POU2F3: variants seen among roughly 807,000 people sequenced by gnomAD.
The protein encoded by POU2F3 is POU class 2 homeobox 3, also known as POU domain, class 2, transcription factor 3.
Under a neutral mutation model 59.2 loss-of-function variants are expected in POU2F3, and 23 were observed. The ratio of observed to expected loss-of-function variants is 0.39; its 90% CI spans 0.28 to 0.55. The LOEUF (loss-of-function observed/expected upper bound fraction) is 0.55, where lower values mean the gene tolerates loss of function less well. POU2F3 is among the 20% of genes least tolerant of loss of function. POU2F3 has a pLI of 0.66. For synonymous variants in POU2F3, 190 were observed against 214.6 expected, an observed-to-expected ratio of 0.89 and a Z score of 1.00; for missense variants, 473 against 544.5, an observed-to-expected ratio of 0.87 and a Z score of 1.31.
chr11:120,245,481 G>C (rs567994165), intron 1 of POU2F3, among the ~76,000 whole-genome samples: 9 of 152,228 alleles, frequency 5.9e-5, no homozygotes, highest in East Asian at 5.8e-4. Flanking sequence ...CCCAGAGAAG[G>C]GGGGGTGTGG....
chr11:120,254,372 T>C (rs1207994022), intron 2 of POU2F3, among the ~76,000 whole-genome samples: 1 of 152,112 alleles, frequency 6.6e-6, no homozygotes, highest in Non-Finnish European at 1.5e-5. Flanking sequence ...GGCAGTCTCT[T>C]TTCTGGTCGA....
At chr11:120,246,616 C>A in intron 2 of POU2F3, 99 bp downstream of exon 2, 2 of 1,260,300 alleles carry the variant, frequency 1.6e-6, no homozygotes, top group South Asian at 1.2e-5. Flanking sequence ...GTCTTTCAGC[C>A]AACCAGACCC....
chr11:120,244,136 T>G (rs906648342), intron 1 of POU2F3, among the ~76,000 whole-genome samples: 4 of 152,224 alleles, frequency 2.6e-5, no homozygotes, highest in African/African-American at 9.6e-5. Flanking sequence ...CCAGCGTCAC[T>G]GCCTCTTAAC....
intron 2 of POU2F3, chr11:120,256,066 A>G (rs931292418): frequency 3.9e-5 from 6 of 152,172 alleles, no homozygotes; most frequent in African/African-American, 1.4e-4. Flanking sequence ...AAGGGTCTGA[A>G]TCTGAGGGTC....
chr11:120,263,406 G>A (rs1468900607), intron 2 of POU2F3, among the ~76,000 whole-genome samples: 1 of 152,122 alleles, frequency 6.6e-6, no homozygotes, highest in African/African-American at 2.4e-5. Context: ...ATTTTATCTT[G>A]TTGGTTTGGG....
chr11:120,271,804 C>G (rs571724943), intron 3 of POU2F3, among the ~76,000 whole-genome samples: 4 of 152,302 alleles, frequency 2.6e-5, no homozygotes, highest in Admixed American at 6.5e-5. Flanking sequence ...CTTGGATGAG[C>G]CTTGTGGGGT....
intron 3 of POU2F3, among the ~76,000 whole-genome samples, chr11:120,273,758 G>A (rs962779402): frequency 6.6e-5 from 10 of 152,176 alleles, no homozygotes. Flanking sequence ...GCTCATATCT[G>A]TAATCCCAAC....
intron 3 of POU2F3, among the ~76,000 whole-genome samples, chr11:120,274,904 T>C (rs991862418): frequency 1.3e-5 from 2 of 151,990 alleles, no homozygotes; most frequent in African/African-American, 4.8e-5. Context: ...AAAGGAGAGA[T>C]GTTCATGAAG....
chr11:120,297,414 G>A (rs1941221747), intron 3 of POU2F3, among the ~76,000 whole-genome samples: 1 of 152,206 alleles, frequency 6.6e-6, no homozygotes, highest in African/African-American at 2.4e-5. Flanking sequence ...GGCTGTGAGG[G>A]AGACATGCCT....
chr11:120,246,277 G>A (rs886517435), intron 1 of POU2F3, among the ~76,000 whole-genome samples, 172 bp from the exon 2 acceptor site: 5 of 152,140 alleles, frequency 3.3e-5, no homozygotes, highest in Non-Finnish European at 5.9e-5. Flanking sequence ...GAGGGGATCC[G>A]TGCCCTCAAG....
intron 5 of POU2F3, chr11:120,300,946 G>C: frequency 2.2e-6 from 1 of 447,618 alleles, no homozygotes; most frequent in Non-Finnish European, 4.5e-6. Flanking sequence ...TGATGAATGA[G>C]ACCCTATTTG....
Position 120,317,370 on chromosome 11 carries a change from G to A in POU2F3, c.1271+6G>A. The stretch of plus-strand genomic sequence containing the variant: ...TCCAGTTTTAACTCTTCAGGGTAAG[G>A]TGAAGGGGACGGTGCAGAGACATCC... On this transcript the variant is annotated splice_donor_region_variant and intron_variant, in intron 12 of 12. Transcript: ENST00000543440. The A allele has an allele frequency of 6.2e-7, 1 of 1,614,162 alleles. No individual in the cohort carries two copies. Among genetic ancestry groups the A allele is most frequent in the Non-Finnish European group, 8.5e-7 (1 of 1,180,018 alleles).
At chr11:120,272,335 A>G (rs1940112194) in intron 3 of POU2F3, among the ~76,000 whole-genome samples, 1 of 152,070 alleles carries the variant, frequency 6.6e-6, no homozygotes. Context: ...CATTTTTCCC[A>G]TGAGGCCTTG....
intron 5 of POU2F3, chr11:120,300,987 T>C (rs1262376630): frequency 2.2e-6 from 1 of 453,768 alleles, no homozygotes; most frequent in Admixed American, 2.4e-5. Flanking sequence ...GGTTAAAAAA[T>C]AAACATCATA....
At chr11:120,312,087 G>A (rs61898342) in intron 10 of POU2F3, among the ~76,000 whole-genome samples, 10,685 of 152,214 alleles carry the variant, frequency 0.07, 526 homozygotes, top group Admixed American at 0.12. Flanking sequence ...AGAAGGAACA[G>A]CCTGTGAGAA....
At chr11:120,238,036 T>A (rs1458706458), upstream of POU2F3, among the ~76,000 whole-genome samples, 1 of 151,242 alleles carries the variant, frequency 6.6e-6, no homozygotes, top group Non-Finnish European at 1.5e-5. Context: ...AGGTCAGGAG[T>A]TTGAGACCAG....
At chr11:120,250,932 G>A (rs957969563) in intron 2 of POU2F3, among the ~76,000 whole-genome samples, 17 of 151,688 alleles carry the variant, frequency 1.1e-4, no homozygotes, top group Non-Finnish European at 1.9e-4. Flanking sequence ...AGCCGAGATC[G>A]CGCCACTGCA....
At chr11:120,302,053 G>T in intron 5 of POU2F3, 1 of 498,760 alleles carries the variant, frequency 2.0e-6, no homozygotes, top group East Asian at 3.5e-5. Flanking sequence ...GGACTGGTTT[G>T]GGGACTGCTG....
chr11:120,292,862 T>C (rs963922616), intron 3 of POU2F3, among the ~76,000 whole-genome samples: 3 of 152,230 alleles, frequency 2.0e-5, no homozygotes, highest in African/African-American at 7.2e-5. Context: ...ATTCAGGGGA[T>C]TTATATTCCA....
Sources: gnomAD v4.1 joint callset for allele counts (sites outside exome capture counted in the v4.1 genomes callset) on GRCh38, gnomAD v4.1.1 for gene constraint, MANE v1.5 for transcripts, NCBI Gene and HGNC (gene_info 2026-07-23, HGNC 2026-07-21) for gene names.